IL33: variants seen among roughly 807,000 people sequenced by gnomAD.
IL33 encodes interleukin 33.
In IL33, 37 loss-of-function variants were observed where a neutral mutation model predicts 27.3. The ratio of observed to expected loss-of-function variants is 1.36; its 90% confidence interval spans 1.04 to 1.78. IL33 has a LOEUF of 1.78. IL33 is among the 40% of genes most tolerant of loss of function. IL33 has a pLI of 0.00. For synonymous variants in IL33, 132 were observed against 102.9 expected, an observed-to-expected ratio of 1.28 and a Z score of -1.71; for missense variants, 406 against 311.4, an observed-to-expected ratio of 1.30 and a Z score of -2.29.
In IL33 at chr9:6,256,035, G is replaced by T; in HGVS notation, c.680G>T (p.Cys227Phe). 6.2e-7 allele frequency: 1 copy of T among 1,613,664 alleles called. No homozygotes were observed. Among genetic ancestry groups the T allele is most frequent in the Non-Finnish European group, 8.5e-7 (1 of 1,179,644 alleles). Residue 227 changes from cysteine (C) to phenylalanine (F), a missense_variant, in exon 8 of 8, where the codon TGT (cysteine) becomes TTT (phenylalanine). Transcript: ENST00000682010. ...GTCCTTCATAATATGCACTCCAACT[G>T]TGTTTCATTTGAATGCAAGACTGAT... is the stretch of plus-strand genomic sequence containing the variant. ...FFVLHNMHSN[C>F]VSFECKTDPG...
chr9:6,229,251 G>C (rs997620100), intron 1 of IL33, among the ~76,000 whole-genome samples: 1 of 152,160 alleles, frequency 6.6e-6, no homozygotes, highest in African/African-American at 2.4e-5. Context: ...GAAAATCCTA[G>C]GTCTAAGCTT....
intron 1 of IL33, among the ~76,000 whole-genome samples, chr9:6,234,231 C>T (rs746880852): frequency 6.6e-6 from 1 of 152,210 alleles, no homozygotes; most frequent in Non-Finnish European, 1.5e-5. Flanking sequence ...AAATGAAGAG[C>T]AAATCCACAT....
chr9:6,246,306 G>T (rs904743712), intron 2 of IL33, among the ~76,000 whole-genome samples: 30 of 152,126 alleles, frequency 2.0e-4, no homozygotes, highest in Admixed American at 1.9e-3. Context: ...GCTTATGCCT[G>T]TAATCCCAGC....
At chr9:6,240,050 T>TATAA (rs1272163919) in intron 1 of IL33, among the ~76,000 whole-genome samples, 1 of 152,230 alleles carries the variant, frequency 6.6e-6, no homozygotes, top group Non-Finnish European at 1.5e-5. Context: ...ACTTATTTGC[T>TATAA]CTATACTAAA....
At chr9:6,237,574 G>T (rs1209628950) in intron 1 of IL33, among the ~76,000 whole-genome samples, 1 of 152,122 alleles carries the variant, frequency 6.6e-6, no homozygotes, top group African/African-American at 2.4e-5. Context: ...GGAGAAAAAG[G>T]TTATGAGATC....
chr9:6,241,062 A>G (rs2130313509), intron 1 of IL33, among the ~76,000 whole-genome samples: 1 of 152,258 alleles, frequency 6.6e-6, no homozygotes, highest in South Asian at 2.1e-4. Flanking sequence ...TTTCACTTCC[A>G]TATCTTGCCC....
At chr9:6,250,326 C>G in intron 2 of IL33, 148 bp from the exon 3 acceptor site, 2 of 906,804 alleles carry the variant, frequency 2.2e-6, no homozygotes, top group South Asian at 4.2e-5. Context: ...ATCTAAAAAA[C>G]TCCGAATTTT....
intron 1 of IL33, among the ~76,000 whole-genome samples, chr9:6,238,156 G>T (rs1315853934): frequency 6.6e-6 from 1 of 152,140 alleles, no homozygotes. Flanking sequence ...GGAAGTACTG[G>T]CATCAAGATG....
intron 1 of IL33, among the ~76,000 whole-genome samples, chr9:6,235,867 G>C (rs1819170375): frequency 6.6e-6 from 1 of 152,132 alleles, no homozygotes; most frequent in Non-Finnish European, 1.5e-5. Context: ...ATTAATACAA[G>C]TTTTTGGAAG....
intron 4 of IL33, 108 bp from the exon 5 acceptor site, chr9:6,252,758 G>A (rs1384927974): frequency 7.8e-7 from 1 of 1,282,758 alleles, no homozygotes; most frequent in African/African-American, 1.5e-5. Flanking sequence ...AGCCAACAGT[G>A]ACATACAAAA....
intron 1 of IL33, among the ~76,000 whole-genome samples, chr9:6,221,753 A>G (rs889174107): frequency 6.6e-6 from 1 of 152,172 alleles, no homozygotes; most frequent in Non-Finnish European, 1.5e-5. Context: ...ATATTTTATG[A>G]AAAGTGTCTT....
At chr9:6,226,284 G>A (rs1818624417) in intron 1 of IL33, among the ~76,000 whole-genome samples, 1 of 151,942 alleles carries the variant, frequency 6.6e-6, no homozygotes, top group African/African-American at 2.4e-5. Context: ...AAAAGTGCTG[G>A]GACTATAAGG....
At chr9:6,242,809 G>C (rs1372623051) in intron 2 of IL33, 1 of 152,392 alleles carries the variant, frequency 6.6e-6, no homozygotes, top group Non-Finnish European at 1.5e-5. Flanking sequence ...AAACAAAAGA[G>C]GTTTATTTGG....
intron 1 of IL33, among the ~76,000 whole-genome samples, chr9:6,229,124 C>T (rs1372109598): frequency 2.0e-5 from 3 of 151,970 alleles, no homozygotes; most frequent in Non-Finnish European, 4.4e-5. Flanking sequence ...AAATGAGGAA[C>T]CTGTACAGGA....
intron 1 of IL33, among the ~76,000 whole-genome samples, chr9:6,216,158 T>A (rs1047818845): frequency 5.3e-5 from 8 of 152,182 alleles, no homozygotes; most frequent in African/African-American, 7.2e-5. Context: ...AGAGATGGGA[T>A]CTTGCTCTGT....
rs200982905 is a variant in IL33 at position 6,218,899 on chromosome 9, CATATATATATATATATATATAT to C, written c.-12+3070_-12+3091del. On this transcript the variant is annotated intron_variant, in intron 1 of 7. Transcript: ENST00000682010. ...GTTCTCCATATATATATATGTTCTC[CATATATATATATATATATATAT>C]ATATATATATATATATATATATGTC... Among the ~76,000 whole-genome samples the C allele has an allele frequency of 2.0e-3, 46 of 22,678 alleles. 2 individuals are homozygous for C. Among genetic ancestry groups the C allele is most frequent in the East Asian group, 0.013 (9 of 700 alleles). The allele number at this position is 22,678 out of a possible 152,430, so 14.9% of individuals were successfully genotyped here. A position where few individuals can be genotyped will look rare whatever the true frequency, so the allele number is the denominator to read the frequency against.
In IL33 at chr9:6,256,093, T is replaced by A; in HGVS notation, c.738T>A (p.His246Gln). 1 of 1,613,054 alleles carries A rather than the reference T, an allele frequency of 6.2e-7. No homozygotes were observed. Among genetic ancestry groups the A allele is most frequent in the Non-Finnish European group, 8.5e-7 (1 of 1,179,096 alleles). Residue 246 changes from histidine to glutamine, a missense_variant, in exon 8 of 8, where the codon CAT becomes CAA. Physicochemically the swap from His to Gln is conservative, Grantham distance 24. Transcript: ENST00000682010. Reference protein sequence around the residue: ...PGVFIGVKDNHLALIKVDSSE... With the variant: ...PGVFIGVKDNQLALIKVDSSE... ...TGTTTATAGGTGTAAAGGATAATCA[T>A]CTTGCTCTGATTAAAGTAGACTCTT...
At position 6,252,918 on chromosome 9, in the gene IL33, ATC is replaced by A. The variant is rs772579349; in HGVS notation, c.397_398del (p.Ser133HisfsTer8). ...CTTCTCTAAGCACATACAATGATCA[ATC>A]CATTACTTTTGCTTTGGAGGATGAA... ...LASLSTYNDQ[S>X]ITFALEDESY... is the part of the protein sequence containing the mutation. On this transcript the variant is annotated frameshift_variant, in exon 5 of 8. Transcript: ENST00000682010. LOFTEE classifies it high-confidence loss of function. 2 of 1,605,284 alleles carry A rather than the reference ATC, an allele frequency of 1.2e-6. No homozygotes were observed. Among genetic ancestry groups the A allele is most frequent in the South Asian group, 2.2e-5 (2 of 90,234 alleles).
At chr9:6,224,927 A>C (rs575709730) in intron 1 of IL33, among the ~76,000 whole-genome samples, 1 of 151,966 alleles carries the variant, frequency 6.6e-6, no homozygotes, top group East Asian at 1.9e-4. Context: ...TGATCTACTG[A>C]CTCAGGTATA....
Sources: gnomAD v4.1 joint callset for allele counts (sites outside exome capture counted in the v4.1 genomes callset) on GRCh38, gnomAD v4.1.1 for gene constraint, MANE v1.5 for transcripts, NCBI Gene and HGNC (gene_info 2026-07-23, HGNC 2026-07-21) for gene names.